TUSC3: variants seen among roughly 807,000 people sequenced by gnomAD.
The protein encoded by TUSC3 is dolichyl-diphosphooligosaccharide--protein glycosyltransferase subunit TUSC3.
Under a neutral mutation model 44.8 loss-of-function variants are expected in TUSC3, and 45 were observed. The ratio of observed to expected loss-of-function variants is 1.00; its 90% CI spans 0.79 to 1.29. TUSC3 has a LOEUF of 1.29. TUSC3 is among the 50% of genes most tolerant of loss of function. The pLI is 0.00. For missense variants in TUSC3, 519 were observed against 437.9 expected (o/e 1.19, Z -1.65); for synonymous variants, 212 against 152.9 (o/e 1.39, Z -2.85).
chr8:15,489,697 C>T lies in TUSC3; in HGVS notation n.189+6214C>T, dbSNP rs960653456. Among the ~76,000 whole-genome samples the T allele has an allele frequency of 2.6e-5, 4 of 152,110 alleles. 1 individual carries two copies. The highest frequency in any genetic ancestry group is 4.8e-5 in the African/African-American group (2 of 41,422). The stretch of plus-strand genomic sequence containing the variant: ...GTCTGTTTTGTCAGTCTTAAGATTT[C>T]TGTTTTAATGTGAATGTTGGCCAGT... On this transcript the variant is annotated intron_variant and non_coding_transcript_variant, in intron 2 of 5. Coordinates refer to the TUSC3 transcript ENST00000503191.
chr8:15,508,851 A>G (rs144683114), intron 2 of TUSC3, among the ~76,000 whole-genome samples: 21 of 152,274 alleles, frequency 1.4e-4, no homozygotes, highest in Middle Eastern at 3.4e-3. Flanking sequence ...TCTGCTACTC[A>G]CTCTGTCAAC....
chr8:15,513,853 T>C (rs1801175672), intron 2 of TUSC3, among the ~76,000 whole-genome samples: 1 of 152,108 alleles, frequency 6.6e-6, no homozygotes, highest in Non-Finnish European at 1.5e-5. Context: ...CTTTTCAGTC[T>C]AACTTTTACT....
intron 1 of TUSC3, among the ~76,000 whole-genome samples, chr8:15,575,489 G>C (rs940609559): frequency 2.0e-5 from 3 of 152,136 alleles, no homozygotes; most frequent in African/African-American, 7.2e-5. Flanking sequence ...CTGAGGGCTG[G>C]GTATGGTGGC....
At chr8:15,550,349 T>G (rs1475309851) in intron 1 of TUSC3, among the ~76,000 whole-genome samples, 1 of 151,778 alleles carries the variant, frequency 6.6e-6, no homozygotes, top group East Asian at 1.9e-4. Context: ...ATGAGTTGCA[T>G]GCTTAGATGT....
chr8:15,634,182 G>T (rs1206036493), intron 2 of TUSC3, among the ~76,000 whole-genome samples: 3 of 152,178 alleles, frequency 2.0e-5, no homozygotes, highest in East Asian at 1.9e-4. Flanking sequence ...TGTATGTAGT[G>T]CCCCTGTGAA....
At chr8:15,483,990 A>G (rs1800702193) in intron 2 of TUSC3, among the ~76,000 whole-genome samples, 4 of 152,206 alleles carry the variant, frequency 2.6e-5, no homozygotes, top group Admixed American at 6.5e-5. Context: ...GGCCCTCTCT[A>G]TAAATGTTGA....
intron 1 of TUSC3, among the ~76,000 whole-genome samples, chr8:15,477,762 G>T (rs1001650482): frequency 3.3e-5 from 5 of 151,988 alleles, no homozygotes; most frequent in African/African-American, 9.7e-5. Context: ...ATATATTTGT[G>T]TATACACATA....
At chr8:15,831,056 C>T in the TUSC3 span, among the ~76,000 whole-genome samples, 1 of 152,128 alleles carries the variant, frequency 6.6e-6, no homozygotes, top group Non-Finnish European at 1.5e-5. Flanking sequence ...AGTGTGGAAA[C>T]CAGCAGTCCA....
rs1251831201 is a variant in TUSC3 at position 15,622,965 on chromosome 8, T to A, written c.139-115T>A. On this transcript the variant is annotated intron_variant, in intron 1 of 10. Transcript: ENST00000503731. ...CAGAAATATGGTCTTTTATCTTTTCTATAAACTTGGATATCATTAGGAAAA... is the reference window on the plus strand; with the variant it reads ...CAGAAATATGGTCTTTTATCTTTTCAATAAACTTGGATATCATTAGGAAAA... 4.7e-6 allele frequency: 5 copies of A among 1,064,594 alleles called. No individual in the cohort carries two copies. In the Admixed American group the frequency reaches 1.2e-4, roughly 26 times the overall value. 65.9% of individuals were successfully genotyped at this position (1,064,594 alleles called of 1,614,324 possible).
the TUSC3 span, among the ~76,000 whole-genome samples, chr8:15,788,254 G>A: frequency 6.6e-6 from 1 of 151,934 alleles, no homozygotes; most frequent in African/African-American, 2.4e-5. Context: ...TCTTGTGGGG[G>A]AGGTAAGTAC....
chr8:15,530,769 G>GT (rs1801439202), intron 2 of TUSC3, among the ~76,000 whole-genome samples: 1 of 152,162 alleles, frequency 6.6e-6, no homozygotes, highest in Non-Finnish European at 1.5e-5. Flanking sequence ...TTTGTAATAA[G>GT]TTTTTTATAT....
chr8:15,545,566 T>C (rs950852891), intron 1 of TUSC3, among the ~76,000 whole-genome samples: 1 of 151,748 alleles, frequency 6.6e-6, no homozygotes, highest in Non-Finnish European at 1.5e-5. Flanking sequence ...GCAAGTTGTG[T>C]TAGAAACCCA....
At chr8:15,821,290 T>G in the TUSC3 span, among the ~76,000 whole-genome samples, 2 of 152,126 alleles carry the variant, frequency 1.3e-5, no homozygotes, top group South Asian at 4.1e-4. Context: ...AATATGTCTC[T>G]TTTTGCTAGT....
In TUSC3 at chr8:15,584,377, T is replaced by C. The variant is rs75867275; in HGVS notation, c.139-38703T>C. 3.1e-3 allele frequency among the ~76,000 whole-genome samples: 477 copies of C among 152,330 alleles called. 7 individuals carry two copies. The East Asian group carries it at 0.034, about 11-fold the overall frequency. On this transcript the variant is annotated intron_variant, in intron 1 of 10. Transcript: ENST00000503731. ...TTCTGCTTACATGTAGGAATTGTCTTACAATTCTCTTATCTGTTTTGATTA... is the reference window on the plus strand; with the variant it reads ...TTCTGCTTACATGTAGGAATTGTCTCACAATTCTCTTATCTGTTTTGATTA...
chr8:15,601,416 A>G (rs942922079), intron 1 of TUSC3, among the ~76,000 whole-genome samples: 2 of 151,710 alleles, frequency 1.3e-5, no homozygotes, highest in Admixed American at 1.3e-4. Flanking sequence ...ATCCAGGCAC[A>G]CTGAACAAGA....
chr8:15,458,400 G>C (rs1453545579), intron 1 of TUSC3, among the ~76,000 whole-genome samples: 1 of 151,862 alleles, frequency 6.6e-6, no homozygotes, highest in Non-Finnish European at 1.5e-5. Flanking sequence ...TACCACACTT[G>C]GATAATTGTT....
At chr8:15,584,442 C>G (rs763611225) in intron 1 of TUSC3, among the ~76,000 whole-genome samples, 1 of 152,168 alleles carries the variant, frequency 6.6e-6, no homozygotes, top group African/African-American at 2.4e-5. Context: ...TGCTAGCACT[C>G]TTACATGTTC....
rs576604846 is a variant in TUSC3 at position 15,560,475 on chromosome 8, A to T, written c.138+19907A>T. 4.7e-5 allele frequency among the ~76,000 whole-genome samples: 7 copies of T among 150,476 alleles called. 1 individual carries two copies. The highest frequency in any genetic ancestry group is 1.5e-4 in the African/African-American group (6 of 41,176). On this transcript the variant is annotated intron_variant, in intron 1 of 10. Coordinates refer to ENST00000503731, the MANE Select transcript of TUSC3 (RefSeq NM_006765.4). The stretch of plus-strand genomic sequence containing the variant: ...TTCAACTTTGGTGAATCTGACCATT[A>T]TGTGTCTTGGAGTTGCTCTTCTCGA...
intron 2 of TUSC3, among the ~76,000 whole-genome samples, chr8:15,525,498 G>A (rs964946027): frequency 2.0e-5 from 3 of 152,290 alleles, no homozygotes; most frequent in Admixed American, 6.5e-5. Context: ...CAGTTTTAAT[G>A]TATAATATGG....
Sources: gnomAD v4.1 joint callset for allele counts (sites outside exome capture counted in the v4.1 genomes callset) on GRCh38, gnomAD v4.1.1 for gene constraint, MANE v1.5 for transcripts, NCBI Gene and HGNC (gene_info 2026-07-23, HGNC 2026-07-21) for gene names.